MTX2: variants seen among roughly 807,000 people sequenced by gnomAD.
MTX2 encodes the protein metaxin-2.
MTX2 carries 35 observed loss-of-function variants against 42.3 expected under a neutral mutation model. The ratio of observed to expected loss-of-function variants is 0.83; its 90% CI spans 0.63 to 1.10. MTX2 has a LOEUF of 1.10. Ranked by LOEUF, MTX2 falls within the 50% of genes least tolerant of loss-of-function variation. MTX2 has a pLI of 0.00. For missense variants in MTX2, 307 were observed against 304.1 expected (o/e 1.01, Z -0.07); for synonymous variants, 119 against 100.9 (o/e 1.18, Z -1.08).
intron 9 of MTX2, among the ~76,000 whole-genome samples, chr2:176,331,449 T>G (rs1255635896): frequency 6.6e-6 from 1 of 151,196 alleles, no homozygotes; most frequent in Non-Finnish European, 1.5e-5. Context: ...CTAAAAGGCT[T>G]TATTTGCTAT....
chr2:176,288,012 G>A (rs1693247195), intron 1 of MTX2, among the ~76,000 whole-genome samples: 1 of 151,610 alleles, frequency 6.6e-6, no homozygotes, highest in Non-Finnish European at 1.5e-5. Context: ...AAGGTAATGG[G>A]AAAATGGTTT....
chr2:176,301,388 T>A (rs1284125436), intron 3 of MTX2, among the ~76,000 whole-genome samples: 1 of 152,174 alleles, frequency 6.6e-6, no homozygotes, highest in Non-Finnish European at 1.5e-5. Context: ...CACCTGTGCT[T>A]GTCACTGTGC....
chr2:176,291,744 G>A (rs1458132304), intron 1 of MTX2, among the ~76,000 whole-genome samples: 2 of 152,094 alleles, frequency 1.3e-5, no homozygotes, highest in African/African-American at 2.4e-5. Context: ...CAGGTTACAC[G>A]CTCGTGAACC....
chr2:176,296,749 C>G, intron 1 of MTX2, 111 bp from the exon 2 acceptor site: 2 of 1,096,366 alleles, frequency 1.8e-6, no homozygotes, highest in South Asian at 2.6e-5. Flanking sequence ...ATAAGTCAAC[C>G]TTAGCAAATG....
chr2:176,274,136 G>T (rs1435555039), intron 1 of MTX2, among the ~76,000 whole-genome samples: 1 of 150,892 alleles, frequency 6.6e-6, no homozygotes, highest in Non-Finnish European at 1.5e-5. Context: ...TTGTTGTCTA[G>T]TTTTTTTTTC....
At chr2:176,286,836 A>C (rs1379984801) in intron 1 of MTX2, among the ~76,000 whole-genome samples, 1 of 152,188 alleles carries the variant, frequency 6.6e-6, no homozygotes. Context: ...GGCGTGAGCC[A>C]CCATGCCCGA....
intron 1 of MTX2, among the ~76,000 whole-genome samples, chr2:176,275,274 T>C (rs1692920676): frequency 1.3e-5 from 2 of 152,024 alleles, no homozygotes; most frequent in African/African-American, 4.8e-5. Flanking sequence ...ATTTTACTCT[T>C]GTCACCCAGG....
At chr2:176,271,456 TAAG>T (rs1313073931) in intron 1 of MTX2, among the ~76,000 whole-genome samples, 14 of 152,092 alleles carry the variant, frequency 9.2e-5, no homozygotes, top group Admixed American at 5.2e-4. Context: ...TTAGTACAAA[TAAG>T]AAGACAAACC....
intron 3 of MTX2, among the ~76,000 whole-genome samples, chr2:176,306,242 C>T (rs1311793778): frequency 1.3e-5 from 2 of 152,178 alleles, no homozygotes; most frequent in Non-Finnish European, 2.9e-5. Context: ...GACATGAATT[C>T]ATCCTTTTTT....
At chr2:176,330,958 T>G (rs145254470) in intron 9 of MTX2, among the ~76,000 whole-genome samples, 76 of 151,118 alleles carry the variant, frequency 5.0e-4, no homozygotes, top group African/African-American at 1.6e-3. Flanking sequence ...CTACAAAATC[T>G]TAACAAAATT....
chr2:176,329,238 T>G, intron 7 of MTX2, 63 bp from the exon 8 acceptor site: 1 of 1,507,018 alleles, frequency 6.6e-7, no homozygotes, highest in East Asian at 2.3e-5. Flanking sequence ...TAGAATTCTA[T>G]TTGTAAAAAC....
intron 1 of MTX2, among the ~76,000 whole-genome samples, chr2:176,286,061 T>C (rs1269235818): frequency 2.6e-5 from 4 of 152,186 alleles, no homozygotes; most frequent in Non-Finnish European, 5.9e-5. Context: ...GACCTTCTTA[T>C]TGGGTGTGAA....
intron 1 of MTX2, among the ~76,000 whole-genome samples, chr2:176,293,473 G>A (rs933682741): frequency 2.0e-5 from 3 of 152,138 alleles, no homozygotes; most frequent in African/African-American, 7.2e-5. Flanking sequence ...TGGTGGAGGT[G>A]TTTGGGTCAT....
chr2:176,275,153 G>T (rs1692917805), intron 1 of MTX2, among the ~76,000 whole-genome samples: 2 of 152,004 alleles, frequency 1.3e-5, no homozygotes, highest in South Asian at 4.1e-4. Flanking sequence ...ATTTTGAACT[G>T]TTCTTTTAGC....
At chr2:176,326,239 C>T (rs1278802778) in intron 4 of MTX2, among the ~76,000 whole-genome samples, 1 of 151,678 alleles carries the variant, frequency 6.6e-6, no homozygotes, top group Admixed American at 6.6e-5. Flanking sequence ...TGGGAACATA[C>T]TCTGTATTAC....
rs561436286 is a variant in MTX2 at position 176,279,146 on chromosome 2, A to G, written c.40+9477A>G. ...TTTGCTGATCATATATTTTATCTCT[A>G]AGAACTTGTATAAGCCAAAGAATTT... On this transcript the variant is annotated intron_variant, in intron 1 of 9. Transcript: ENST00000249442. Among the ~76,000 whole-genome samples, 24 of 152,280 alleles carry G rather than the reference A, an allele frequency of 1.6e-4. 1 individual carries two copies. The South Asian group carries it at 2.3e-3, about 14-fold the overall frequency.
chr2:176,334,363 T>C (rs993266472), intron 9 of MTX2, among the ~76,000 whole-genome samples: 7 of 151,828 alleles, frequency 4.6e-5, no homozygotes, highest in Admixed American at 4.0e-4. Flanking sequence ...TCTAAATTGG[T>C]AAGATAAGAT....
chr2:176,297,112 T>G (rs999907585), intron 2 of MTX2, among the ~76,000 whole-genome samples: 5 of 152,208 alleles, frequency 3.3e-5, no homozygotes, highest in African/African-American at 7.2e-5. Context: ...TAGTTTATTA[T>G]TGACTCATTA....
At chr2:176,312,226 A>C (rs1306399075) in intron 3 of MTX2, among the ~76,000 whole-genome samples, 1 of 152,174 alleles carries the variant, frequency 6.6e-6, no homozygotes, top group Non-Finnish European at 1.5e-5. Context: ...TTTTTGCTAT[A>C]GTTTACTAGC....
Sources: allele counts gnomAD v4.1 joint callset (sites outside exome capture counted in the v4.1 genomes callset), GRCh38; gene constraint gnomAD v4.1.1; transcripts MANE v1.5; gene names NCBI Gene and HGNC (gene_info 2026-07-23, HGNC 2026-07-21).